Variants in DYNC2H1 observed in about 807,000 individuals in gnomAD.
DYNC2H1 encodes the protein dynein cytoplasmic 2 heavy chain 1.
In DYNC2H1, 410 loss-of-function variants were observed where a neutral mutation model predicts 570.0. The ratio of observed to expected loss-of-function variants is 0.72; its 90% CI spans 0.66 to 0.78. DYNC2H1 has a LOEUF of 0.78. Ranked by LOEUF, DYNC2H1 falls within the 30% of genes least tolerant of loss-of-function variation. The pLI is 0.00. For missense variants in DYNC2H1, 4,865 were observed against 5,046.4 expected (o/e 0.96, Z 1.09); for synonymous variants, 1,688 against 1,677.6 (o/e 1.01, Z -0.15).
chr11:103,421,307 T>A (rs1226410725), intron 84 of DYNC2H1, among the ~76,000 whole-genome samples: 1 of 151,982 alleles, frequency 6.6e-6, no homozygotes, highest in Non-Finnish European at 1.5e-5. Context: ...GGTAGAAAAT[T>A]AACAAAGATA....
At chr11:103,462,630 T>G (rs1211555748) in intron 87 of DYNC2H1, among the ~76,000 whole-genome samples, 1 of 152,198 alleles carries the variant, frequency 6.6e-6, no homozygotes, top group Non-Finnish European at 1.5e-5. Context: ...GAAATACATT[T>G]TTTGTTGAAA....
At position 103,199,087 on chromosome 11, in the gene DYNC2H1, T is replaced by C. The variant is rs1862614542; in HGVS notation, c.7840-141T>C. On this transcript the variant is annotated intron_variant, in intron 48 of 88. Transcript: ENST00000375735. The surrounding 1 kb of genome is among the most constrained non-coding windows in gnomAD (Gnocchi z 4.6). ...CCAGGATTACCAGACATATAAAATA[T>C]TGAGTGTGAGATGATATGTAGTCAC... is the stretch of plus-strand genomic sequence containing the variant. 2 of 507,864 alleles carry C rather than the reference T, an allele frequency of 3.9e-6. No homozygotes were observed. Among genetic ancestry groups the C allele is most frequent in the East Asian group, 6.8e-5 (2 of 29,340 alleles). The allele number at this position is 507,864 out of a possible 1,614,324, so 31.5% of individuals were successfully genotyped here.
chr11:103,399,949 A>T, intron 84 of DYNC2H1, 77 bp downstream of exon 84: 1 of 1,257,774 alleles, frequency 8.0e-7, no homozygotes. Flanking sequence ...ATTTGTCAGG[A>T]ATCATATAGT....
intron 83 of DYNC2H1, among the ~76,000 whole-genome samples, chr11:103,378,897 C>T (rs1004691877): frequency 6.6e-6 from 1 of 152,114 alleles, no homozygotes; most frequent in Non-Finnish European, 1.5e-5. Flanking sequence ...TATTTCTTTC[C>T]TTCAGAGTAT....
In DYNC2H1 at chr11:103,253,384, C is replaced by T. The variant is rs368631447; in HGVS notation, c.10142C>T (p.Pro3381Leu). The change falls in exon 66 of 89, where the codon CCG becomes CTG. Residue 3381 changes from proline (P) to leucine (L), a missense_variant. By Grantham distance (98) the Pro-to-Leu change is moderately conservative. Around this residue, in one of 5 missense-constraint regions of DYNC2H1, gnomAD observed 2,401 missense variants for 2,454.6 expected, o/e 0.98. Transcript: ENST00000375735. ...AGAAACCCAAATCCTTTTATTCCAC[C>T]GGATGCAGCTTCCATTGTTACTGAG... The part of the protein sequence containing the change: ...STRNPNPFIP[P>L]DAASIVTEVN... 7.4e-5 allele frequency: 120 copies of T among 1,613,058 alleles called. No homozygotes were observed. Among genetic ancestry groups the T allele is most frequent in the Non-Finnish European group, 9.5e-5 (112 of 1,179,456 alleles).
At chr11:103,466,749 C>G (rs1419248270) in intron 87 of DYNC2H1, among the ~76,000 whole-genome samples, 1 of 152,096 alleles carries the variant, frequency 6.6e-6, no homozygotes, top group African/African-American at 2.4e-5. Flanking sequence ...ATTTTTAAGT[C>G]TCAACAGACC....
Position 103,466,273 on chromosome 11 carries a change from CAAATA to C in DYNC2H1, c.12649-2312_12649-2308del, listed in dbSNP as rs557309177. ...AAAATTTGATCCATACTTTATATTACAAATAAAAATTGACTCTGAAGGTTTAAAAA... is the reference window on the plus strand; with the variant it reads ...AAAATTTGATCCATACTTTATATTACAAAATTGACTCTGAAGGTTTAAAAA... On this transcript the variant is annotated intron_variant, in intron 87 of 88. Coordinates refer to ENST00000375735, the MANE Select transcript of DYNC2H1 (RefSeq NM_001377.3). Among the ~76,000 whole-genome samples the C allele has an allele frequency of 2.3e-3, 353 of 152,046 alleles. 1 individual carries two copies. Among genetic ancestry groups the C allele is most frequent in the Non-Finnish European group, 4.0e-3 (275 of 67,946 alleles).
chr11:103,455,247 T>C lies in DYNC2H1; in HGVS notation c.12518T>C (p.Leu4173Pro). The change falls in exon 86 of 89, where the codon CTT becomes CCT. Residue 4173 changes from leucine to proline, a missense_variant. This residue lies in a region of DYNC2H1 where 2,401 missense variants were observed against 2,454.6 expected (regional missense o/e 0.98). Coordinates refer to ENST00000375735, the MANE Select transcript of DYNC2H1 (RefSeq NM_001377.3). ...TCTGAAACACTTGACCTATCAGAAC[T>C]TTTCCATCCAGACACATTTCTTAAT... ...LLSETLDLSE[L>P]FHPDTFLNAL... is the part of the protein sequence containing the mutation. The C allele has an allele frequency of 6.2e-7, 1 of 1,613,486 alleles. No homozygotes were observed. The highest frequency in any genetic ancestry group is 8.5e-7 in the Non-Finnish European group (1 of 1,179,586).
intron 83 of DYNC2H1, among the ~76,000 whole-genome samples, chr11:103,382,689 A>C (rs1490524747): frequency 2.0e-5 from 3 of 152,182 alleles, no homozygotes; most frequent in Non-Finnish European, 4.4e-5. Context: ...AACTCCACAA[A>C]CTAATTCACA....
At chr11:103,376,743 C>T (rs942919802) in intron 83 of DYNC2H1, among the ~76,000 whole-genome samples, 3 of 150,506 alleles carry the variant, frequency 2.0e-5, no homozygotes, top group Non-Finnish European at 4.4e-5. Context: ...AGAGCAATTC[C>T]GTATTCTTTG....
chr11:103,406,118 G>C (rs571757578), intron 84 of DYNC2H1: 1 of 152,150 alleles, frequency 6.6e-6, no homozygotes, highest in East Asian at 1.9e-4. Context: ...AATTGATGCA[G>C]AATAGTCTTG....
intron 85 of DYNC2H1, among the ~76,000 whole-genome samples, chr11:103,451,324 CTTTTTTT>C (rs34032894): frequency 4.9e-4 from 35 of 71,030 alleles, no homozygotes; most frequent in South Asian, 2.1e-3. Context: ...AGTAAAAGGG[CTTTTTTT>C]TTTTTTTTTT....
At chr11:103,183,443 G>GA (rs1262316447) in intron 40 of DYNC2H1, among the ~76,000 whole-genome samples, 4 of 151,472 alleles carry the variant, frequency 2.6e-5, no homozygotes, top group South Asian at 4.2e-4. Flanking sequence ...ATTCAGTTAG[G>GA]AAAAAAAATG....
chr11:103,400,295 C>T (rs1228980871), intron 84 of DYNC2H1, among the ~76,000 whole-genome samples: 1 of 112,474 alleles, frequency 8.9e-6, no homozygotes, highest in African/African-American at 3.9e-5. Flanking sequence ...TGCCTATTCC[C>T]ATACTAGTTC....
chr11:103,337,480 C>G (rs188684100), intron 82 of DYNC2H1, among the ~76,000 whole-genome samples: 1 of 152,164 alleles, frequency 6.6e-6, no homozygotes, highest in Non-Finnish European at 1.5e-5. Flanking sequence ...TCCATAGTAG[C>G]TTACTAATTT....
intron 17 of DYNC2H1, among the ~76,000 whole-genome samples, chr11:103,139,069 T>C (rs946924902): frequency 1.3e-5 from 2 of 150,456 alleles, no homozygotes; most frequent in Admixed American, 1.3e-4. Flanking sequence ...ATCCCCTTTA[T>C]CATTTTTTAT....
chr11:103,133,995 T>C lies in DYNC2H1; in HGVS notation c.2106+288T>C, dbSNP rs1859401372. The stretch of plus-strand genomic sequence containing the variant: ...TAGAATCCAACTCTGCCCTTAGTTG[T>C]TGAGTCTCTTTAGCCTCCCCTCCTC... On this transcript the variant is annotated intron_variant, in intron 14 of 88. Transcript: ENST00000375735. This position sits in a 1 kb window ranked among gnomAD's most constrained non-coding sequence, Gnocchi z 4.8. Among the ~76,000 whole-genome samples the C allele has an allele frequency of 6.6e-6, 1 of 152,196 alleles. No homozygotes were observed. The highest frequency in any genetic ancestry group is 1.5e-5 in the Non-Finnish European group (1 of 68,020).
Position 103,181,497 on chromosome 11 carries a change from A to G in DYNC2H1, c.6348-260A>G, listed in dbSNP as rs746375470. On this transcript the variant is annotated intron_variant, in intron 39 of 88. Transcript: ENST00000375735. The surrounding 1 kb of genome is among the most constrained non-coding windows in gnomAD (Gnocchi z 5.0). The stretch of plus-strand genomic sequence containing the variant: ...ATTTATAATAAAATAGATGAAATGT[A>G]TTTGTTTTATAGAAAATGACATATA... Among the ~76,000 whole-genome samples the G allele has an allele frequency of 1.3e-5, 2 of 151,520 alleles. No homozygotes were observed. Among genetic ancestry groups the G allele is most frequent in the Non-Finnish European group, 3.0e-5 (2 of 67,656 alleles).
chr11:103,337,268 A>G (rs987648838), intron 82 of DYNC2H1, among the ~76,000 whole-genome samples: 2 of 152,200 alleles, frequency 1.3e-5, no homozygotes, highest in African/African-American at 4.8e-5. Context: ...GTCAATAAAT[A>G]TGTGGGTAAA....
Sources: allele counts gnomAD v4.1 joint callset (sites outside exome capture counted in the v4.1 genomes callset), GRCh38; gene constraint gnomAD v4.1.1; regional missense constraint gnomAD v4.1.1; non-coding constraint Gnocchi (gnomAD v3.1); transcripts MANE v1.5; gene names NCBI Gene and HGNC (gene_info 2026-07-23, HGNC 2026-07-21).